The following HIVEP3 variants were observed in gnomAD, a reference collection of about 807,000 sequenced individuals.
HIVEP3 encodes HIVEP zinc finger 3.
HIVEP3 carries 49 observed loss-of-function variants against 152.8 expected under a neutral mutation model. The observed-to-expected ratio is 0.32, with a 90% CI of 0.26 to 0.41. The LOEUF is 0.41. Among genes scored for constraint, HIVEP3 ranks in the 10% least tolerant of loss-of-function variants. The probability of loss-of-function intolerance (pLI) is 1.00; values close to 1 mark genes in which losing one functional copy is unlikely to be tolerated. For missense variants in HIVEP3, 2,790 were observed against 3,103.3 expected (o/e 0.90, Z 2.40); for synonymous variants, 1,269 against 1,289.0 (o/e 0.98, Z 0.33).
At chr1:41,866,042 T>C (rs1428606508) in intron 1 of HIVEP3, among the ~76,000 whole-genome samples, 1 of 152,190 alleles carries the variant, frequency 6.6e-6, no homozygotes. Flanking sequence ...TGGGCCCTAC[T>C]GTCCATTAAC....
chr1:41,657,264 T>C (rs965083382), intron 2 of HIVEP3, among the ~76,000 whole-genome samples: 5 of 152,178 alleles, frequency 3.3e-5, no homozygotes, highest in Admixed American at 6.5e-5. Context: ...CTGATGCAGG[T>C]GAGCACAAGC....
chr1:41,865,972 C>T (rs181470682), intron 1 of HIVEP3, among the ~76,000 whole-genome samples: 5 of 152,324 alleles, frequency 3.3e-5, no homozygotes, highest in Non-Finnish European at 5.9e-5. Context: ...TAGAAGGGAG[C>T]ATCGAAATCT....
At chr1:41,833,072 C>T (rs774062483) in intron 1 of HIVEP3, among the ~76,000 whole-genome samples, 5 of 152,132 alleles carry the variant, frequency 3.3e-5, no homozygotes, top group African/African-American at 4.8e-5. Flanking sequence ...GGAGAAGGCA[C>T]GGAAATAATT....
At chr1:41,633,991 T>C (rs949020870) in intron 2 of HIVEP3, among the ~76,000 whole-genome samples, 2 of 152,116 alleles carry the variant, frequency 1.3e-5, no homozygotes, top group African/African-American at 4.8e-5. Context: ...ATCTGCATCA[T>C]TTACAACAGG....
rs1052101540 is a variant in HIVEP3 at position 41,918,007 on chromosome 1, C to T, written c.-801+406G>A. Among the ~76,000 whole-genome samples the T allele has an allele frequency of 2.6e-5, 4 of 152,234 alleles. No homozygotes were observed. Among genetic ancestry groups the T allele is most frequent in the Non-Finnish European group, 5.9e-5 (4 of 68,032 alleles). On this transcript the variant is annotated intron_variant, in intron 1 of 8. Transcript: ENST00000372583. This position sits in a 1 kb window ranked among gnomAD's most constrained non-coding sequence, Gnocchi z 4.3. ...GGAACGCGATGCCTAAGCCCCCCAG[C>T]CGAGGCTCCTATGGAGCCGGCCGCC...
intron 1 of HIVEP3, among the ~76,000 whole-genome samples, chr1:41,913,422 A>G (rs961203899): frequency 6.6e-6 from 1 of 152,148 alleles, no homozygotes; most frequent in African/African-American, 2.4e-5. Flanking sequence ...TTTAAGAGAC[A>G]TATTTGCTCT....
At chr1:41,894,899 CACAT>C (rs1410549211) in intron 1 of HIVEP3, among the ~76,000 whole-genome samples, 1 of 152,178 alleles carries the variant, frequency 6.6e-6, no homozygotes, top group Non-Finnish European at 1.5e-5. Flanking sequence ...CAATCTAAAA[CACAT>C]ACTCTAGAAG....
At chr1:41,687,941 T>C (rs750906252) in intron 2 of HIVEP3, among the ~76,000 whole-genome samples, 3 of 152,210 alleles carry the variant, frequency 2.0e-5, no homozygotes, top group Non-Finnish European at 4.4e-5. Flanking sequence ...GAAACCATTA[T>C]CTAAGCCAAC....
At chr1:41,801,485 T>G (rs732524) in intron 1 of HIVEP3, among the ~76,000 whole-genome samples, 56,661 of 151,850 alleles carry the variant, frequency 0.37, 11,001 homozygotes, top group Middle Eastern at 0.47. Flanking sequence ...CCAGCCTTGG[T>G]AATTTTAAGA....
At position 41,581,072 on chromosome 1, in the gene HIVEP3, C is replaced by A; in HGVS notation, c.3726G>T (p.Leu1242=). 1.3e-6 allele frequency: 2 copies of A among 1,557,312 alleles called. No individual in the cohort carries two copies. The highest frequency in any genetic ancestry group is 1.7e-6 in the Non-Finnish European group (2 of 1,150,470). Residue 1242 remains leucine (L), a synonymous_variant, in exon 4 of 9, where the codon CTG becomes CTT. Coordinates refer to ENST00000372583, the MANE Select transcript of HIVEP3 (RefSeq NM_024503.5). The surrounding 1 kb of genome is among the most constrained non-coding windows in gnomAD (Gnocchi z 4.5). ...SALSSGFFLP[L]QSQFALQLPG... is the part of the protein sequence containing the mutation. ...GGAGCTGAAGTGCAAACTGGGATTG[C>A]AGAGGCAGGAAAAACCCAGAAGACA...
intron 5 of HIVEP3, among the ~76,000 whole-genome samples, chr1:41,548,705 T>G (rs1480224335): frequency 6.6e-6 from 1 of 152,036 alleles, no homozygotes; most frequent in Non-Finnish European, 1.5e-5. Context: ...TGGCCAATTT[T>G]TTGTATTTTT....
At chr1:41,927,479 T>G (rs889417873) in intron 1 of HIVEP3, among the ~76,000 whole-genome samples, 1 of 152,188 alleles carries the variant, frequency 6.6e-6, no homozygotes. Context: ...TCACATGTAA[T>G]TTATTACATT....
intron 1 of HIVEP3, among the ~76,000 whole-genome samples, chr1:42,003,934 G>A (rs1165238859): frequency 6.6e-6 from 1 of 151,806 alleles, no homozygotes; most frequent in East Asian, 1.9e-4. Flanking sequence ...CACAAATTTT[G>A]CCACCAAAAA....
chr1:41,814,617 G>A (rs914116552), intron 1 of HIVEP3, among the ~76,000 whole-genome samples: 2 of 152,180 alleles, frequency 1.3e-5, no homozygotes, highest in African/African-American at 4.8e-5. Flanking sequence ...TTATGAGTTG[G>A]CCTAAAATAT....
At chr1:41,812,889 G>C (rs7519013) in intron 1 of HIVEP3, among the ~76,000 whole-genome samples, 2 of 144,522 alleles carry the variant, frequency 1.4e-5, no homozygotes, top group African/African-American at 5.0e-5. Context: ...TGGAGGGGGT[G>C]GGGGGCGGTC....
chr1:41,512,713 G>C, intron 8 of HIVEP3, 103 bp downstream of exon 8: 1 of 903,316 alleles, frequency 1.1e-6, no homozygotes, highest in Non-Finnish European at 1.6e-6. Context: ...TACTGAGCTG[G>C]CAGAGCTGTT....
At chr1:41,660,127 G>A (rs1419695256) in intron 2 of HIVEP3, among the ~76,000 whole-genome samples, 7 of 152,210 alleles carry the variant, frequency 4.6e-5, no homozygotes, top group Non-Finnish European at 7.3e-5. Context: ...GTGTGTGCAC[G>A]TGTAGGAACA....
intron 5 of HIVEP3, among the ~76,000 whole-genome samples, chr1:41,565,214 G>A (rs1019259838): frequency 5.3e-5 from 8 of 152,188 alleles, no homozygotes; most frequent in Non-Finnish European, 1.2e-4. Flanking sequence ...CAACACTAAT[G>A]AGAGGATAGG....
At chr1:41,726,270 A>G (rs531720131) in intron 1 of HIVEP3, among the ~76,000 whole-genome samples, 3 of 152,278 alleles carry the variant, frequency 2.0e-5, no homozygotes, top group African/African-American at 7.2e-5. Flanking sequence ...ACACAGGTCT[A>G]CTTCCAAAAC....
Sources: gnomAD v4.1 joint callset for allele counts (sites outside exome capture counted in the v4.1 genomes callset) on GRCh38, gnomAD v4.1.1 for gene constraint, Gnocchi (gnomAD v3.1) non-coding constraint, MANE v1.5 for transcripts, NCBI Gene and HGNC (gene_info 2026-07-23, HGNC 2026-07-21) for gene names.